The following PTPRO variants were observed in gnomAD, a reference collection of about 807,000 sequenced individuals.
The protein encoded by PTPRO is receptor-type tyrosine-protein phosphatase O.
In PTPRO, 62 loss-of-function variants were observed where a neutral mutation model predicts 145.2. The ratio of observed to expected loss-of-function variants is 0.43; its 90% confidence interval spans 0.35 to 0.53. The LOEUF (loss-of-function observed/expected upper bound fraction) is 0.53. Among genes scored for constraint, PTPRO ranks in the 20% least tolerant of loss-of-function variants. The probability of loss-of-function intolerance (pLI) is 0.01; values close to 1 mark genes in which losing one functional copy is unlikely to be tolerated. For synonymous variants in PTPRO, 565 were observed against 514.7 expected (o/e 1.10, Z -1.32); for missense variants, 1,345 against 1,482.7 (o/e 0.91, Z 1.53).
intron 24 of PTPRO, among the ~76,000 whole-genome samples, chr12:15,588,045 G>A (rs1324675733): frequency 2.6e-5 from 4 of 152,366 alleles, no homozygotes; most frequent in Admixed American, 2.0e-4. Flanking sequence ...TCAATCCACT[G>A]TAGGCATTCA....
chr12:15,532,480 C>A (rs541867049), intron 12 of PTPRO, among the ~76,000 whole-genome samples: 1 of 152,090 alleles, frequency 6.6e-6, no homozygotes, highest in African/African-American at 2.4e-5. Context: ...AATTCCAGGA[C>A]GGCTAGCATT....
intron 1 of PTPRO, among the ~76,000 whole-genome samples, chr12:15,461,859 C>G (rs985414824): frequency 6.6e-6 from 1 of 152,032 alleles, no homozygotes; most frequent in Admixed American, 6.5e-5. Context: ...AGCAACCATG[C>G]CTGGCCTGCT....
Position 15,508,614 on chromosome 12 carries a change from G to A in PTPRO, c.1311G>A (p.Gln437=). The A allele has an allele frequency of 1.2e-6, 2 of 1,614,060 alleles. No individual in the cohort carries two copies. The highest frequency in any genetic ancestry group is 1.7e-6 in the Non-Finnish European group (2 of 1,179,992). The part of the protein sequence containing the change: ...EWIEELTEKP[Q]HVSVHVLSST... ...TTGAAGAACTGACCGAGAAGCCGCA[G>A]CACGTGAGTGTCCACGTTTTAAGCT... Residue 437 remains glutamine (Q), a synonymous_variant, in exon 7 of 27, where the codon CAG becomes CAA. Transcript: ENST00000281171.
chr12:15,373,933 G>A (rs755614301), intron 1 of PTPRO, among the ~76,000 whole-genome samples: 4 of 152,048 alleles, frequency 2.6e-5, no homozygotes, highest in Admixed American at 1.3e-4. Flanking sequence ...TATATTTTGC[G>A]TGGTATGGGT....
rs545087804 is a variant in PTPRO at position 15,527,974 on chromosome 12, C to A, written c.2164+1712C>A. Among the ~76,000 whole-genome samples, 20 of 149,080 alleles carry A rather than the reference C, an allele frequency of 1.3e-4. 1 individual carries two copies. Among genetic ancestry groups the A allele is most frequent in the South Asian group, 8.4e-4 (4 of 4,742 alleles). ...GCTCTCTGAACAAGAATTCAAAATA[C>A]AGTTTAAGGAAAATCAGTGATGTCC... On this transcript the variant is annotated intron_variant, in intron 12 of 26. Transcript: ENST00000281171.
At chr12:15,345,218 GATACTATACAATACA>G (rs1236083064) in intron 1 of PTPRO, among the ~76,000 whole-genome samples, 1 of 152,066 alleles carries the variant, frequency 6.6e-6, no homozygotes, top group Non-Finnish European at 1.5e-5. Flanking sequence ...GCAGATAGTT[GATACTATACAATACA>G]AAACTGAATT....
chr12:15,582,210 C>T (rs1050066358), intron 23 of PTPRO, among the ~76,000 whole-genome samples: 12 of 152,330 alleles, frequency 7.9e-5, no homozygotes, highest in Middle Eastern at 6.8e-3. Flanking sequence ...GCCCTCATTG[C>T]GGTAAACCGA....
intron 23 of PTPRO, among the ~76,000 whole-genome samples, chr12:15,584,525 A>G (rs1445472221): frequency 1.3e-5 from 2 of 152,210 alleles, no homozygotes; most frequent in Admixed American, 1.3e-4. Context: ...GTGATGACCT[A>G]TCTTTCAATG....
chr12:15,544,506 C>G (rs558957996), intron 12 of PTPRO, among the ~76,000 whole-genome samples: 152 of 73,204 alleles, frequency 2.1e-3, no homozygotes, highest in South Asian at 3.8e-3. Flanking sequence ...GACTCCATCT[C>G]AAAAAAAAAA....
chr12:15,439,109 T>G (rs1940683398), intron 1 of PTPRO, among the ~76,000 whole-genome samples: 1 of 152,142 alleles, frequency 6.6e-6, no homozygotes, highest in South Asian at 2.1e-4. Flanking sequence ...CAGGAGAGAC[T>G]GGGGGCCTAT....
chr12:15,551,115 C>G (rs1943446542), intron 14 of PTPRO, among the ~76,000 whole-genome samples: 1 of 152,128 alleles, frequency 6.6e-6, no homozygotes, highest in African/African-American at 2.4e-5. Context: ...TAGTTGTAAG[C>G]AAAGTATACA....
chr12:15,414,741 A>G (rs1451748420), intron 1 of PTPRO, among the ~76,000 whole-genome samples: 1 of 152,238 alleles, frequency 6.6e-6, no homozygotes, highest in Non-Finnish European at 1.5e-5. Context: ...TCATCTGAAT[A>G]CTTGTAAGAG....
At chr12:15,524,758 A>C in intron 10 of PTPRO, 56 bp from the exon 11 acceptor site, 1 of 1,527,180 alleles carries the variant, frequency 6.5e-7, no homozygotes, top group Non-Finnish European at 9.1e-7. Flanking sequence ...CTCTGCTGGT[A>C]AGTACTTTAT....
chr12:15,483,845 A>C (rs1343776956), intron 1 of PTPRO, 129 bp from the exon 2 acceptor site: 1 of 983,628 alleles, frequency 1.0e-6, no homozygotes, highest in African/African-American at 1.6e-5. Flanking sequence ...ATTTTAAGAA[A>C]TAAGGCTTAC....
At chr12:15,516,205 T>C (rs1271597771) in intron 8 of PTPRO, among the ~76,000 whole-genome samples, 2 of 150,384 alleles carry the variant, frequency 1.3e-5, no homozygotes, top group African/African-American at 4.9e-5. Flanking sequence ...TTAGCCAGGA[T>C]GGTCTCGATC....
chr12:15,425,157 T>C (rs1378455563), intron 1 of PTPRO, among the ~76,000 whole-genome samples: 1 of 152,168 alleles, frequency 6.6e-6, no homozygotes, highest in Admixed American at 6.6e-5. Flanking sequence ...GTTGTGCTCA[T>C]ACTCCCACGG....
chr12:15,590,442 G>C (rs548338152), intron 25 of PTPRO, among the ~76,000 whole-genome samples: 76 of 152,264 alleles, frequency 5.0e-4, no homozygotes, highest in South Asian at 1.5e-3. Context: ...TGGAGCGCTT[G>C]GGTAGAACAC....
At chr12:15,519,442 GGAGA>G (rs1942667789) in intron 9 of PTPRO, among the ~76,000 whole-genome samples, 1 of 152,150 alleles carries the variant, frequency 6.6e-6, no homozygotes, top group Non-Finnish European at 1.5e-5. Context: ...GTTTTGAGAG[GGAGA>G]GAAAGAGATA....
intron 12 of PTPRO, chr12:15,546,238 G>T (rs1036314159): frequency 1.2e-6 from 1 of 831,900 alleles, no homozygotes; most frequent in Admixed American, 5.1e-5. Context: ...TTCTCATCCA[G>T]GAAGTTCTGT....
Sources: allele counts gnomAD v4.1 joint callset (sites outside exome capture counted in the v4.1 genomes callset), GRCh38; gene constraint gnomAD v4.1.1; transcripts MANE v1.5; gene names NCBI Gene and HGNC (gene_info 2026-07-23, HGNC 2026-07-21).